The following ST7 variants were observed in gnomAD, a reference collection of about 807,000 sequenced individuals.
The protein encoded by ST7 is suppression of tumorigenicity 7.
Under a neutral mutation model 78.7 loss-of-function variants are expected in ST7, and 28 were observed. The observed-to-expected ratio is 0.36, with a 90% CI of 0.26 to 0.49. The LOEUF (loss-of-function observed/expected upper bound fraction) is 0.49, where lower values mean the gene tolerates loss of function less well. ST7 is among the 20% of genes least tolerant of loss of function. The pLI is 0.99. For missense variants in ST7, 418 were observed against 696.0 expected (o/e 0.60, Z 4.49); for synonymous variants, 247 against 249.6 (o/e 0.99, Z 0.10).
At chr7:116,997,872 C>G (rs1454146881) in intron 1 of ST7, among the ~76,000 whole-genome samples, 2 of 152,242 alleles carry the variant, frequency 1.3e-5, no homozygotes, top group Non-Finnish European at 2.9e-5. Flanking sequence ...ATCTACAATC[C>G]CTTAGCTAGA....
chr7:117,126,993 A>C (rs1286277866), intron 3 of ST7, among the ~76,000 whole-genome samples: 1 of 151,864 alleles, frequency 6.6e-6, no homozygotes, highest in Non-Finnish European at 1.5e-5. Context: ...TGCACTGTGA[A>C]TTGCTGCATA....
intron 15 of ST7, among the ~76,000 whole-genome samples, chr7:117,228,651 A>C (rs544192825): frequency 6.6e-6 from 1 of 152,286 alleles, no homozygotes; most frequent in South Asian, 2.1e-4. Context: ...TCGAAGACCC[A>C]CAGTCCACAG....
At chr7:117,000,644 C>G (rs1431303903) in intron 1 of ST7, among the ~76,000 whole-genome samples, 5 of 152,182 alleles carry the variant, frequency 3.3e-5, no homozygotes, top group Non-Finnish European at 5.9e-5. Context: ...TTAGGAGAAG[C>G]TTTTTCAGAG....
In ST7 at chr7:117,189,383, GTC is replaced by G; in HGVS notation, c.1145_1146del (p.Ser382Ter). 1 of 1,603,856 alleles carries G rather than the reference GTC, an allele frequency of 6.2e-7. No homozygotes were observed. The highest frequency in any genetic ancestry group is 8.5e-7 in the Non-Finnish European group (1 of 1,174,464). The part of the protein sequence containing the change: ...YTAALLKARA[V>X]SDKFSPEAAS... ...AGCTGCTTTGCTCAAAGCAAGAGCT[GTC>G]TCTGACAAGTAAGTGAATAATAGTT... On this transcript the variant is annotated frameshift_variant, in exon 11 of 16. Coordinates refer to ENST00000323984, the MANE Select transcript of ST7 (RefSeq NM_001369598.1). LOFTEE classifies it high-confidence loss of function.
At chr7:116,956,501 G>A (rs1347828925) in intron 1 of ST7, 1 of 471,182 alleles carries the variant, frequency 2.1e-6, no homozygotes, top group Non-Finnish European at 4.4e-6. Flanking sequence ...TGCTTTTAGG[G>A]AGTTGCAGAT....
chr7:117,055,235 C>G (rs115996148), intron 1 of ST7, among the ~76,000 whole-genome samples: 2,439 of 152,022 alleles, frequency 0.016, 76 homozygotes, highest in African/African-American at 0.056. Context: ...TGGAGTCTTG[C>G]CTTGTTGCCC....
At chr7:117,127,733 A>C (rs1390285600) in intron 3 of ST7, among the ~76,000 whole-genome samples, 1 of 151,926 alleles carries the variant, frequency 6.6e-6, no homozygotes, top group Non-Finnish European at 1.5e-5. Context: ...TGGAAGTCAT[A>C]AAAGCAATAT....
intron 1 of ST7, chr7:116,966,064 C>T (rs1389640370): frequency 4.4e-6 from 2 of 458,894 alleles, no homozygotes; most frequent in African/African-American, 2.0e-5. Flanking sequence ...TAGAAATAAA[C>T]ATGACCTAGA....
chr7:117,129,969 T>TA (rs1394645601), intron 4 of ST7, 122 bp downstream of exon 4: 1 of 649,010 alleles, frequency 1.5e-6, no homozygotes, highest in East Asian at 3.0e-5. Flanking sequence ...GTCCATTTTT[T>TA]AATACTATCT....
At chr7:117,214,187 A>G (rs917233881) in intron 13 of ST7, among the ~76,000 whole-genome samples, 1 of 152,148 alleles carries the variant, frequency 6.6e-6, no homozygotes, top group Non-Finnish European at 1.5e-5. Flanking sequence ...CTAGTTCTAT[A>G]TATCAGGAGG....
intron 10 of ST7, chr7:117,187,605 A>G (rs548052071): frequency 6.6e-6 from 1 of 152,138 alleles, no homozygotes; most frequent in Non-Finnish European, 1.5e-5. Flanking sequence ...CTGTATTTCT[A>G]TCTGGGTGAA....
intron 7 of ST7, among the ~76,000 whole-genome samples, 163 bp downstream of exon 7, chr7:117,134,355 G>A (rs561488421): frequency 1.3e-5 from 2 of 152,040 alleles, no homozygotes; most frequent in African/African-American, 2.4e-5. Context: ...TGAGCAGTCT[G>A]TTCTGTACTC....
intron 1 of ST7, among the ~76,000 whole-genome samples, chr7:117,017,431 A>T (rs529617581): frequency 6.6e-6 from 1 of 152,174 alleles, no homozygotes; most frequent in Non-Finnish European, 1.5e-5. Flanking sequence ...TTCTTTGTCA[A>T]TAGCATTCTC....
chr7:117,115,187 C>T (rs1252553606), intron 2 of ST7, among the ~76,000 whole-genome samples: 1 of 152,118 alleles, frequency 6.6e-6, no homozygotes, highest in Non-Finnish European at 1.5e-5. Context: ...ACCTAACCTG[C>T]ACCTCCACTG....
In ST7 at chr7:117,229,715, T is replaced by G. The variant is rs574609049; in HGVS notation, c.1639-47T>G. 2.0e-6 allele frequency: 3 copies of G among 1,521,706 alleles called. No individual in the cohort carries two copies. The African/African-American group carries it at 4.1e-5, about 21-fold the overall frequency. 94.3% of individuals were successfully genotyped at this position (1,521,706 alleles called of 1,614,324 possible). ...GGTGGAGAGGTTTGTTTTATAGTCTTGAACAAGGTTTCTGCTGACTTCTGT... is the reference window on the plus strand; with the variant it reads ...GGTGGAGAGGTTTGTTTTATAGTCTGGAACAAGGTTTCTGCTGACTTCTGT... On this transcript the variant is annotated intron_variant, in intron 15 of 15. Coordinates refer to ENST00000323984, the MANE Select transcript of ST7 (RefSeq NM_001369598.1).
At chr7:117,002,640 T>TGTGC (rs1491284833) in intron 1 of ST7, among the ~76,000 whole-genome samples, 4 of 232 alleles carry the variant, frequency 0.017, no homozygotes, top group African/African-American at 0.023. Flanking sequence ...TAGTTGAGGC[T>TGTGC]GTGTGTGTGT....
chr7:117,073,551 G>A (rs1799129139), intron 1 of ST7, among the ~76,000 whole-genome samples: 1 of 152,200 alleles, frequency 6.6e-6, no homozygotes, highest in Non-Finnish European at 1.5e-5. Flanking sequence ...GCTTGTTGTG[G>A]AGGGCAGTGT....
intron 2 of ST7, among the ~76,000 whole-genome samples, chr7:117,108,072 G>T (rs1802122707): frequency 6.6e-6 from 1 of 152,064 alleles, no homozygotes; most frequent in African/African-American, 2.4e-5. Flanking sequence ...TTCTTTTGCT[G>T]TGCAGAAGCT....
At chr7:116,958,145 A>C (rs1473497476) in intron 1 of ST7, among the ~76,000 whole-genome samples, 1 of 144,246 alleles carries the variant, frequency 6.9e-6, no homozygotes, top group African/African-American at 2.6e-5. Flanking sequence ...ACAGGTGCAC[A>C]CCACAGTGCG....
Sources: gnomAD v4.1 joint callset for allele counts (sites outside exome capture counted in the v4.1 genomes callset) on GRCh38, gnomAD v4.1.1 for gene constraint, MANE v1.5 for transcripts, NCBI Gene and HGNC (gene_info 2026-07-23, HGNC 2026-07-21) for gene names.